The following ADAT1 variants were observed in gnomAD, a reference collection of about 807,000 sequenced individuals.
The protein encoded by ADAT1 is adenosine deaminase tRNA specific 1.
ADAT1 carries 58 observed loss-of-function variants against 58.6 expected under a neutral mutation model. That is an observed-to-expected ratio of 0.99 (90% CI 0.80 to 1.23). The LOEUF is 1.23. ADAT1 is among the 50% of genes most tolerant of loss of function. The pLI is 0.00. For missense variants in ADAT1, 741 were observed against 608.6 expected, an observed-to-expected ratio of 1.22 and a Z score of -2.29; for synonymous variants, 254 against 220.8, an observed-to-expected ratio of 1.15 and a Z score of -1.33.
At position 75,599,482 on chromosome 16, in the gene ADAT1, G is replaced by C. The variant is rs970204706; in HGVS notation, c.*734C>G. The C allele has an allele frequency of 2.0e-6, 2 of 985,626 alleles. No homozygotes were observed. The highest frequency in any genetic ancestry group is 3.5e-5 in the African/African-American group (2 of 57,182). The allele number at this position is 985,626 out of a possible 1,614,324, so 61.1% of individuals were successfully genotyped here. ...CAACAGGAATCTGTCTCACATAATT[G>C]AGACATCTAAACAGTGTTACTAGAT... On this transcript the variant is annotated 3_prime_UTR_variant, in exon 10 of 10. Coordinates refer to ENST00000564657, the MANE Select transcript of ADAT1 (RefSeq NM_001324445.2).
chr16:75,615,469 AGTTG>A (rs2081672729), intron 5 of ADAT1, among the ~76,000 whole-genome samples: 1 of 117,872 alleles, frequency 8.5e-6, no homozygotes, highest in South Asian at 3.2e-4. Flanking sequence ...CGCAAACGAT[AGTTG>A]ATGAGCTAAA....
At chr16:75,622,055 C>A (rs757470273) in intron 1 of ADAT1, among the ~76,000 whole-genome samples, 74 of 152,280 alleles carry the variant, frequency 4.9e-4, no homozygotes, top group Middle Eastern at 3.4e-3. Context: ...GAGGCTGAGG[C>A]AGGAGAATCG....
rs1263733682 is a variant in ADAT1, at chr16:75,597,412, T to G, written c.*2804A>C. ...AAGCTAAGGAGGAAGCATGAAAGAG[T>G]CTTCTTCAGAGCAGCAGTCCCCAAG... On this transcript the variant is annotated 3_prime_UTR_variant, in exon 10 of 10. Transcript: ENST00000564657. 1.8e-5 allele frequency: 8 copies of G among 447,522 alleles called. No individual in the cohort carries two copies. Among genetic ancestry groups the G allele is most frequent in the Non-Finnish European group, 3.6e-5 (8 of 222,764 alleles). 27.7% of individuals were successfully genotyped at this position (447,522 alleles called of 1,614,324 possible). A position where few individuals can be genotyped will look rare whatever the true frequency, so the allele number is the denominator to read the frequency against.
chr16:75,608,864 G>T lies in ADAT1; in HGVS notation c.1168C>A (p.Arg390=). 6.2e-7 allele frequency: 1 copy of T among 1,613,970 alleles called. No homozygotes were observed. Among genetic ancestry groups the T allele is most frequent in the South Asian group, 1.1e-5 (1 of 91,052 alleles). ...TTACCTGCCCCACAAGGAACAAGTC[G>T]ACCTGGGCTATCAGCCCTTTTTGCC... ...VQAKRADSPG[R]LVPCGAAISW... The change falls in exon 7 of 10, where the codon CGA becomes AGA. Residue 390 remains arginine (R), a synonymous_variant. Transcript: ENST00000564657.
Position 75,620,348 on chromosome 16 carries a change from A to AG in ADAT1, c.170-15_170-14insC, listed in dbSNP as rs564177804. On this transcript the variant is annotated splice_polypyrimidine_tract_variant and intron_variant, in intron 2 of 9. Coordinates refer to ENST00000564657, the MANE Select transcript of ADAT1 (RefSeq NM_001324445.2). Reference sequence around the variant, plus strand: ...CTTCCTTTGTCACTGTGGGAAAAAAACAAATCGTGTGAGTTCTGAGAAACG... The same window carrying AG: ...CTTCCTTTGTCACTGTGGGAAAAAAAGCAAATCGTGTGAGTTCTGAGAAACG... The AG allele has an allele frequency of 3.1e-4, 499 of 1,613,708 alleles. No homozygotes were observed. The highest frequency in any genetic ancestry group is 4.1e-4 in the Non-Finnish European group (483 of 1,179,770).
chr16:75,608,477 G>A, intron 7 of ADAT1, 154 bp from the exon 8 acceptor site: 2 of 639,252 alleles, frequency 3.1e-6, no homozygotes, highest in Non-Finnish European at 5.4e-6. Context: ...GGCCTCCAGG[G>A]TACAGTAGTC....
Position 75,620,301 on chromosome 16 carries a change from G to C in ADAT1, c.203C>G (p.Thr68Arg), listed in dbSNP as rs768465271. ...CATTTTGGACTGTCCTATGCATTTT[G>C]TTCCTGTTCCCATTGACACAACTTC... ...TKEVVSMGTG[T>R]KCIGQSKMRK... Residue 68 changes from threonine to arginine, a missense_variant, in exon 3 of 10, where the codon ACA (threonine) becomes AGA (arginine). By Grantham distance (71) the Thr-to-Arg change is moderately conservative. Transcript: ENST00000564657. 2.5e-6 allele frequency: 4 copies of C among 1,614,098 alleles called. No individual in the cohort carries two copies. Among genetic ancestry groups the C allele is most frequent in the Non-Finnish European group, 3.4e-6 (4 of 1,179,994 alleles).
At position 75,608,264 on chromosome 16, in the gene ADAT1, G is replaced by C. The variant is rs1403693342; in HGVS notation, c.1249C>G (p.Gln417Glu). 1 of 1,613,994 alleles carries C rather than the reference G, an allele frequency of 6.2e-7. No individual in the cohort carries two copies. The highest frequency in any genetic ancestry group is 1.3e-5 in the African/African-American group (1 of 74,928). Residue 417 changes from glutamine to glutamate, a missense_variant, in exon 8 of 10, where the codon CAG becomes GAG. Physicochemically the swap from Gln to Glu is conservative, Grantham distance 29 (BLOSUM62 2). Transcript: ENST00000564657. The part of the protein sequence containing the change: ...PLDVTANGFP[Q>E]GTTKKTIGSL... ...CCAATTGTTTTCTTTGTTGTTCCCT[G>C]TGGAAAGCCATTGGCAGTAACATCC...
intron 3 of ADAT1, chr16:75,619,620 A>G (rs2081863268): frequency 2.2e-6 from 1 of 455,472 alleles, no homozygotes. Context: ...CCTGTCATTC[A>G]AGATTGCTTA....
At chr16:75,603,448 G>C (rs1310766712) in intron 8 of ADAT1, among the ~76,000 whole-genome samples, 1 of 152,324 alleles carries the variant, frequency 6.6e-6, no homozygotes, top group East Asian at 1.9e-4. Context: ...TTTTGCCCCA[G>C]GATATCTGTA....
chr16:75,611,693 C>G (rs966991415), intron 6 of ADAT1, among the ~76,000 whole-genome samples: 1 of 150,906 alleles, frequency 6.6e-6, no homozygotes, highest in Admixed American at 6.6e-5. Flanking sequence ...TTCATCAATA[C>G]TATTTTTAAC....
At chr16:75,608,172 G>A in intron 8 of ADAT1, 52 bp downstream of exon 8, 4 of 1,458,852 alleles carry the variant, frequency 2.7e-6, no homozygotes, top group Non-Finnish European at 3.8e-6. Flanking sequence ...ATTAGATAGT[G>A]GTAGAGTGTG....
At position 75,618,571 on chromosome 16, in the gene ADAT1, G is replaced by C. The variant is rs562578293; in HGVS notation, c.293+15C>G. On this transcript the variant is annotated intron_variant, in intron 4 of 9. Coordinates refer to ENST00000564657, the MANE Select transcript of ADAT1 (RefSeq NM_001324445.2). ...CCCAGTCCTGCTGAACCATACTCTG[G>C]AGATGTGGCTTTACCTTTGGAAACT... 1.9e-6 allele frequency: 3 copies of C among 1,571,368 alleles called. No individual in the cohort carries two copies. Among genetic ancestry groups the C allele is most frequent in the Non-Finnish European group, 2.6e-6 (3 of 1,155,504 alleles).
At chr16:75,609,053 T>C in intron 6 of ADAT1, 65 bp from the exon 7 acceptor site, 1 of 1,586,462 alleles carries the variant, frequency 6.3e-7, no homozygotes, top group Non-Finnish European at 8.6e-7. Context: ...TCTAGGATTG[T>C]GGCTCACATC....
chr16:75,608,950 A>T lies in ADAT1; in HGVS notation c.1082T>A (p.Val361Asp). Reference protein sequence around the residue: ...NVSALPKGFGVQELKILQSDL... With the variant: ...NVSALPKGFGDQELKILQSDL... ...TGACTGCAGTATTTTTAATTCTTGA[A>T]CTCCGAAGCCTTTTGGTAAAGCAGA... Residue 361 changes from valine (V) to aspartate (D), a missense_variant, in exon 7 of 10, where the codon GTT becomes GAT. Physicochemically the swap from Val to Asp is radical, Grantham distance 152. Transcript: ENST00000564657. 6.2e-7 allele frequency: 1 copy of T among 1,614,014 alleles called. No individual in the cohort carries two copies. The highest frequency in any genetic ancestry group is 8.5e-7 in the Non-Finnish European group (1 of 1,180,010).
intron 8 of ADAT1, among the ~76,000 whole-genome samples, chr16:75,603,700 T>A (rs1312922229): frequency 7.8e-6 from 1 of 127,906 alleles, no homozygotes; most frequent in Non-Finnish European, 1.6e-5. Flanking sequence ...TTGGAATACT[T>A]AAGGAGGTGA....
At chr16:75,608,390 T>C (rs1390864079) in intron 7 of ADAT1, 67 bp from the exon 8 acceptor site, 1 of 1,355,444 alleles carries the variant, frequency 7.4e-7, no homozygotes, top group Non-Finnish European at 1.1e-6. Flanking sequence ...AGTATTTTAA[T>C]AAAAATATTT....
Position 75,597,802 on chromosome 16 carries a change from C to G in ADAT1, c.*2414G>C, listed in dbSNP as rs952360795. 1.3e-5 allele frequency among the ~76,000 whole-genome samples: 2 copies of G among 152,150 alleles called. No individual in the cohort carries two copies. Among genetic ancestry groups the G allele is most frequent in the Admixed American group, 6.5e-5 (1 of 15,284 alleles). The stretch of plus-strand genomic sequence containing the variant: ...CACAGTTCACAATAGGATTCACGCT[C>G]CTATGAGAATCTAATGCCACTGCTG... On this transcript the variant is annotated 3_prime_UTR_variant, in exon 10 of 10. Transcript: ENST00000564657.
chr16:75,601,101 G>C (rs1471653898), intron 9 of ADAT1, among the ~76,000 whole-genome samples: 1 of 152,152 alleles, frequency 6.6e-6, no homozygotes, highest in Non-Finnish European at 1.5e-5. Flanking sequence ...AGCACTTTGG[G>C]AGGCCGAAGC....
Sources: allele counts gnomAD v4.1 joint callset (sites outside exome capture counted in the v4.1 genomes callset), GRCh38; gene constraint gnomAD v4.1.1; transcripts MANE v1.5; gene names NCBI Gene and HGNC (gene_info 2026-07-23, HGNC 2026-07-21).